The following XRN2 variants were observed in gnomAD, a reference collection of about 807,000 sequenced individuals.
The protein encoded by XRN2 is DHM1-like protein.
Under a neutral mutation model 138.5 loss-of-function variants are expected in XRN2, and 44 were observed. The ratio of observed to expected loss-of-function variants is 0.32; its 90% confidence interval spans 0.25 to 0.41. XRN2 has a LOEUF of 0.41. Among genes scored for constraint, XRN2 ranks in the 10% least tolerant of loss-of-function variants. The pLI is 1.00. For missense variants in XRN2, 937 were observed against 1,169.3 expected, an observed-to-expected ratio of 0.80 and a Z score of 2.90; for synonymous variants, 354 against 369.4, an observed-to-expected ratio of 0.96 and a Z score of 0.48.
intron 1 of XRN2, among the ~76,000 whole-genome samples, chr20:21,316,209 G>C (rs2037956738): frequency 6.6e-6 from 1 of 152,196 alleles, no homozygotes; most frequent in Admixed American, 6.5e-5. Context: ...AGCCAAGATT[G>C]TGCCATTGCA....
chr20:21,326,190 G>T (rs2038126251), intron 1 of XRN2, 89 bp from the exon 2 acceptor site: 1 of 1,351,150 alleles, frequency 7.4e-7, no homozygotes, highest in Non-Finnish European at 1.0e-6. Flanking sequence ...TTCCAGTTCA[G>T]AAATGAAACA....
intron 24 of XRN2, among the ~76,000 whole-genome samples, chr20:21,364,196 T>G (rs1246825048): frequency 6.6e-6 from 1 of 152,198 alleles, no homozygotes; most frequent in Non-Finnish European, 1.5e-5. Flanking sequence ...CTTCTATTAC[T>G]AAATTTTTAA....
Position 21,317,047 on chromosome 20 carries a change from C to A in XRN2, c.76-9232C>A, listed in dbSNP as rs138717035. Among the ~76,000 whole-genome samples, 16 of 152,180 alleles carry A rather than the reference C, an allele frequency of 1.1e-4. No individual in the cohort carries two copies. The East Asian group carries it at 3.1e-3, about 29-fold the overall frequency. On this transcript the variant is annotated intron_variant, in intron 1 of 29. Transcript: ENST00000377191. ...TCTATATACACAATCATGTCATGTG[C>A]AAATATAGTTTAATTTCTTTTTTTT...
chr20:21,325,336 T>C (rs1469257039), intron 1 of XRN2, among the ~76,000 whole-genome samples: 5 of 152,254 alleles, frequency 3.3e-5, no homozygotes, highest in African/African-American at 4.8e-5. Context: ...AAAAACATAA[T>C]TGAGTATCTC....
intron 3 of XRN2, among the ~76,000 whole-genome samples, chr20:21,328,002 GC>G: frequency 6.6e-6 from 1 of 152,054 alleles, no homozygotes; most frequent in Non-Finnish European, 1.5e-5. Flanking sequence ...TAACTGCTAT[GC>G]CTTATTGAAA....
intron 26 of XRN2, among the ~76,000 whole-genome samples, chr20:21,367,910 ATAAT>A (rs1038545423): frequency 6.6e-6 from 1 of 152,208 alleles, no homozygotes; most frequent in African/African-American, 2.4e-5. Flanking sequence ...TGAGGAGGAA[ATAAT>A]TTTAGATGAG....
intron 8 of XRN2, 27 bp from the exon 9 acceptor site, chr20:21,332,256 G>A (rs371092654): frequency 1.7e-5 from 27 of 1,599,776 alleles, no homozygotes; most frequent in African/African-American, 1.3e-4. Flanking sequence ...CTCACTGTTC[G>A]ATGTTTTTCT....
intron 20 of XRN2, among the ~76,000 whole-genome samples, chr20:21,349,734 C>T (rs1470977570): frequency 7.3e-5 from 11 of 151,672 alleles, no homozygotes; most frequent in Admixed American, 7.2e-4. Flanking sequence ...CAGAGTGAGG[C>T]CCTGTCTCAT....
intron 1 of XRN2, among the ~76,000 whole-genome samples, chr20:21,308,892 GGTCTCCT>G (rs2122157031): frequency 6.6e-6 from 1 of 151,394 alleles, no homozygotes; most frequent in Non-Finnish European, 1.5e-5. Context: ...TCAAAGCCAA[GGTCTCCT>G]GTGTTTTCTT....
chr20:21,343,716 C>T (rs1381791529), intron 15 of XRN2, among the ~76,000 whole-genome samples: 1 of 151,586 alleles, frequency 6.6e-6, no homozygotes, highest in Non-Finnish European at 1.5e-5. Context: ...TTGTGAATTC[C>T]TAACAGGAAT....
intron 29 of XRN2, 113 bp downstream of exon 29, chr20:21,387,119 A>G (rs2038944997): frequency 7.1e-7 from 1 of 1,414,830 alleles, no homozygotes; most frequent in Non-Finnish European, 9.5e-7. Flanking sequence ...AGAGTAGCTT[A>G]GAGTAGCTTG....
At chr20:21,363,613 G>A (rs962194785) in intron 24 of XRN2, among the ~76,000 whole-genome samples, 1 of 152,150 alleles carries the variant, frequency 6.6e-6, no homozygotes, top group African/African-American at 2.4e-5. Flanking sequence ...CAGCTGTTGA[G>A]CTTATGGTAT....
At chr20:21,354,950 TCTC>T (rs1192611497) in intron 21 of XRN2, 78 bp downstream of exon 21, 3 of 1,164,180 alleles carry the variant, frequency 2.6e-6, no homozygotes, top group Admixed American at 4.8e-5. Flanking sequence ...AGACCTTCCT[TCTC>T]CTGTTTGTCA....
intron 3 of XRN2, 76 bp downstream of exon 3, chr20:21,326,677 C>A: frequency 1.7e-6 from 2 of 1,158,642 alleles, no homozygotes; most frequent in South Asian, 1.4e-5. Flanking sequence ...TGAAAGTCAG[C>A]TAAATAATGA....
intron 24 of XRN2, 29 bp from the exon 25 acceptor site, chr20:21,365,392 T>A (rs764572794): frequency 6.2e-7 from 1 of 1,602,882 alleles, no homozygotes; most frequent in Non-Finnish European, 8.5e-7. Context: ...TATAATCAGA[T>A]CATTGAATTG....
chr20:21,320,445 G>T (rs1481496696), intron 1 of XRN2, among the ~76,000 whole-genome samples: 1 of 149,108 alleles, frequency 6.7e-6, no homozygotes, highest in African/African-American at 2.5e-5. Context: ...CACTACGGGC[G>T]CCTGCCACCA....
intron 27 of XRN2, among the ~76,000 whole-genome samples, chr20:21,380,862 C>CA (rs1038272960): frequency 6.6e-6 from 1 of 152,170 alleles, no homozygotes; most frequent in Non-Finnish European, 1.5e-5. Context: ...AGTTTGTCCA[C>CA]ATAAGGAAAA....
At chr20:21,354,121 A>C (rs2038547320) in intron 20 of XRN2, among the ~76,000 whole-genome samples, 2 of 152,214 alleles carry the variant, frequency 1.3e-5, no homozygotes, top group South Asian at 2.1e-4. Flanking sequence ...TTTGAAAATT[A>C]TGCTTTTGGG....
chr20:21,351,943 T>G (rs1353806295), intron 20 of XRN2, among the ~76,000 whole-genome samples: 3 of 152,262 alleles, frequency 2.0e-5, no homozygotes, highest in Non-Finnish European at 4.4e-5. Context: ...GCCAATGCTA[T>G]ACTGTTGTAA....
Sources: gnomAD v4.1 joint callset for allele counts (sites outside exome capture counted in the v4.1 genomes callset) on GRCh38, gnomAD v4.1.1 for gene constraint, MANE v1.5 for transcripts, NCBI Gene and HGNC (gene_info 2026-07-23, HGNC 2026-07-21) for gene names.